RADX: variants seen among roughly 807,000 people sequenced by gnomAD.
The protein encoded by RADX is RPA-related protein RADX.
A neutral mutation model predicts 61.6 loss-of-function variants in RADX; 36 were observed. The ratio of observed to expected loss-of-function variants is 0.58; its 90% CI spans 0.45 to 0.77. RADX has a LOEUF of 0.77. RADX is among the 30% of genes least tolerant of loss of function. The pLI is 0.00. For synonymous variants in RADX, 272 were observed against 237.9 expected (o/e 1.14, Z -1.32); for missense variants, 497 against 651.1 (o/e 0.76, Z 2.58).
chrX:106,662,134 C>T lies in RADX; in HGVS notation c.2098C>T (p.Arg700Cys), dbSNP rs1404746663. ...FGLIDHLHYS[R>C]VYPESIPRKF... ...CTTAATAGATCACCTACACTACAGCCGTGTTTATCCTGAAAGTATTCCACG... is the reference window on the plus strand; with the variant it reads ...CTTAATAGATCACCTACACTACAGCTGTGTTTATCCTGAAAGTATTCCACG... The change falls in exon 12 of 14, where the codon CGT becomes TGT. Residue 700 changes from arginine to cysteine, a missense_variant. Transcript: ENST00000372548. 2 of 1,210,377 alleles carry T rather than the reference C, an allele frequency of 1.7e-6. No individual in the cohort carries two copies. The highest frequency in any genetic ancestry group is 2.2e-6 in the Non-Finnish European group (2 of 894,867).
Position 106,678,132 on chromosome X carries a change from T to C in RADX, c.2442T>C (p.Asp814=). ...CCATCTGCTTTTTACTTTTAGGTGATATTATAAAAGCAGCAACTGAACTGG... is the reference window on the plus strand; with the variant it reads ...CCATCTGCTTTTTACTTTTAGGTGACATTATAAAAGCAGCAACTGAACTGG... ...RLPGPRAVAG[D]IIKAATELDR... is the part of the protein sequence containing the mutation. Residue 814 remains aspartate, a synonymous_variant, in exon 14 of 14, where the codon GAT becomes GAC. Coordinates refer to ENST00000372548, the MANE Select transcript of RADX (RefSeq NM_018015.6). 2 of 1,167,080 alleles carry C rather than the reference T, an allele frequency of 1.7e-6. No homozygotes were observed. The highest frequency in any genetic ancestry group is 2.3e-6 in the Non-Finnish European group (2 of 859,639).
At chrX:106,658,936 T>TC (rs1318683642) in intron 11 of RADX, among the ~76,000 whole-genome samples, 1 of 98,050 alleles carries the variant, frequency 1.0e-5, no homozygotes, top group African/African-American at 3.6e-5. Context: ...CTCCTTTCCC[T>TC]CCCCCATGCC....
chrX:106,632,510 A>G, intron 3 of RADX, 115 bp from the exon 4 acceptor site: 1 of 398,542 alleles, frequency 2.5e-6, no homozygotes, highest in Non-Finnish European at 4.3e-6. Context: ...CTAGTTCTTG[A>G]GTTTAGTGGT....
intron 8 of RADX, chrX:106,638,267 C>CTT (rs746231371): frequency 2.7e-4 from 33 of 121,133 alleles, no homozygotes; most frequent in Non-Finnish European, 3.7e-4. Context: ...CCTGAAACTT[C>CTT]TTTTTTTTTT....
rs1221542251 is a variant in RADX, at chrX:106,637,839, G to A, written c.1488G>A (p.Gly496=). ...GGATTAGAACAAAGTCTGATTCCGG[G>A]GAACAGAAGAATATGGTTATTGGTG... is the stretch of plus-strand genomic sequence containing the variant. ...IQWIRTKSDS[G]EQKNMVIGGY... Residue 496 remains glycine (G), a synonymous_variant, in exon 8 of 14, where the codon GGG becomes GGA. Coordinates refer to ENST00000372548, the MANE Select transcript of RADX (RefSeq NM_018015.6). 2.5e-6 allele frequency: 3 copies of A among 1,205,211 alleles called. No homozygotes were observed. Among genetic ancestry groups the A allele is most frequent in the African/African-American group, 1.8e-5 (1 of 56,915 alleles).
At chrX:106,619,909 T>C (rs1464031471) in intron 1 of RADX, among the ~76,000 whole-genome samples, 1 of 112,021 alleles carries the variant, frequency 8.9e-6, no homozygotes, top group Non-Finnish European at 1.9e-5. Context: ...TCTGATTCAT[T>C]ATTTTTAGCT....
At chrX:106,651,264 G>C (rs998113011) in intron 11 of RADX, among the ~76,000 whole-genome samples, 13 of 110,658 alleles carry the variant, frequency 1.2e-4, no homozygotes, top group Admixed American at 1.2e-3. Flanking sequence ...AAAATTAGAC[G>C]GAAAAATTTC....
intron 13 of RADX, among the ~76,000 whole-genome samples, chrX:106,670,736 T>G (rs1399410024): frequency 9.1e-6 from 1 of 110,337 alleles, no homozygotes; most frequent in Non-Finnish European, 1.9e-5. Flanking sequence ...CTAATAAGAA[T>G]CTCACAAAGT....
At chrX:106,613,425 G>GT (rs765687748) in intron 1 of RADX, among the ~76,000 whole-genome samples, 113 of 110,966 alleles carry the variant, frequency 1.0e-3, no homozygotes, top group African/African-American at 3.1e-3. Context: ...TCTAAAATAC[G>GT]TTTTTTTTCT....
chrX:106,640,863 C>A, intron 10 of RADX, 142 bp downstream of exon 10: 1 of 407,372 alleles, frequency 2.5e-6, no homozygotes, highest in Non-Finnish European at 4.1e-6. Flanking sequence ...GTGACTTAAA[C>A]ACTGAAATTT....
At chrX:106,671,226 C>T (rs778093104) in intron 13 of RADX, among the ~76,000 whole-genome samples, 1 of 111,897 alleles carries the variant, frequency 8.9e-6, no homozygotes, top group South Asian at 3.8e-4. Flanking sequence ...GTTCTATATC[C>T]AGCTTTTTCC....
At chrX:106,619,738 A>G (rs976503932) in intron 1 of RADX, among the ~76,000 whole-genome samples, 2 of 110,585 alleles carry the variant, frequency 1.8e-5, no homozygotes, top group Admixed American at 9.7e-5. Flanking sequence ...ATACATAATA[A>G]TCTTTTAACA....
intron 11 of RADX, among the ~76,000 whole-genome samples, chrX:106,652,664 A>G (rs746388539): frequency 9.4e-6 from 1 of 106,349 alleles, no homozygotes; most frequent in Non-Finnish European, 1.9e-5. Context: ...TCTTAAAATA[A>G]TAGAACAAGG....
At chrX:106,613,576 A>G (rs939242983) in intron 1 of RADX, among the ~76,000 whole-genome samples, 2 of 112,255 alleles carry the variant, frequency 1.8e-5, no homozygotes, top group Non-Finnish European at 3.8e-5. Context: ...ACTGCTTTTC[A>G]GTCCCTTTTA....
chrX:106,646,199 A>G (rs775244747), intron 10 of RADX, among the ~76,000 whole-genome samples: 9 of 110,931 alleles, frequency 8.1e-5, no homozygotes, highest in Non-Finnish European at 1.5e-4. Flanking sequence ...ATGTATCTTT[A>G]TAGGTAAAGT....
chrX:106,616,443 G>A (rs1318172625), intron 1 of RADX, among the ~76,000 whole-genome samples: 1 of 111,139 alleles, frequency 9.0e-6, no homozygotes, highest in Non-Finnish European at 1.9e-5. Context: ...TTTCTTTTAC[G>A]TACTTCCTTT....
At chrX:106,640,863 C>T in intron 10 of RADX, 142 bp downstream of exon 10, 1 of 407,372 alleles carries the variant, frequency 2.5e-6, no homozygotes, top group Non-Finnish European at 4.1e-6. Context: ...GTGACTTAAA[C>T]ACTGAAATTT....
At chrX:106,613,032 C>T (rs1926718012) in intron 1 of RADX, among the ~76,000 whole-genome samples, 1 of 111,836 alleles carries the variant, frequency 8.9e-6, no homozygotes, top group Non-Finnish European at 1.9e-5. Context: ...CTCATACGTT[C>T]GTTACATGTT....
chrX:106,621,270 T>A (rs1165825621), intron 1 of RADX, among the ~76,000 whole-genome samples: 1 of 112,271 alleles, frequency 8.9e-6, no homozygotes, highest in Admixed American at 9.4e-5. Context: ...TACTAAAAAT[T>A]GTGTGTGTTT....
Sources: gnomAD v4.1 joint callset for allele counts (sites outside exome capture counted in the v4.1 genomes callset) on GRCh38, gnomAD v4.1.1 for gene constraint, MANE v1.5 for transcripts, NCBI Gene and HGNC (gene_info 2026-07-23, HGNC 2026-07-21) for gene names.